Variants in CCDC178 observed in about 807,000 individuals in gnomAD.
CCDC178 encodes coiled-coil domain-containing protein 178.
CCDC178 carries 126 observed loss-of-function variants against 117.4 expected under a neutral mutation model. That is an observed-to-expected ratio of 1.07 (90% confidence interval 0.93 to 1.24). The LOEUF (loss-of-function observed/expected upper bound fraction) is 1.24. CCDC178 is among the 50% of genes most tolerant of loss of function. The pLI is 0.00. For missense variants in CCDC178, 1,030 were observed against 986.9 expected (o/e 1.04, Z -0.59); for synonymous variants, 283 against 313.4 (o/e 0.90, Z 1.02).
intron 7 of CCDC178, among the ~76,000 whole-genome samples, chr18:33,352,606 T>C (rs2062992886): frequency 6.6e-6 from 1 of 152,142 alleles, no homozygotes; most frequent in Admixed American, 6.6e-5. Context: ...TTAAATACAT[T>C]GTGTTTTCAT....
At chr18:33,061,375 T>C (rs1274939555) in intron 21 of CCDC178, among the ~76,000 whole-genome samples, 1 of 152,116 alleles carries the variant, frequency 6.6e-6, no homozygotes, top group Non-Finnish European at 1.5e-5. Context: ...GTTTCAATTC[T>C]ATGAATAAAA....
At chr18:33,126,039 T>C (rs897269525) in intron 20 of CCDC178, among the ~76,000 whole-genome samples, 3 of 152,124 alleles carry the variant, frequency 2.0e-5, no homozygotes, top group East Asian at 3.9e-4. Flanking sequence ...TGTGTGTTTG[T>C]GTTTTTGGCT....
At chr18:33,158,966 T>A (rs2058432300) in intron 20 of CCDC178, among the ~76,000 whole-genome samples, 1 of 152,122 alleles carries the variant, frequency 6.6e-6, no homozygotes, top group Non-Finnish European at 1.5e-5. Context: ...TTGACAGTAT[T>A]TACTCTTATA....
intron 20 of CCDC178, among the ~76,000 whole-genome samples, chr18:33,124,798 C>T (rs897635360): frequency 1.3e-5 from 2 of 152,180 alleles, no homozygotes; most frequent in Non-Finnish European, 2.9e-5. Context: ...TCAGAGTATG[C>T]TATTTATTAT....
chr18:33,076,728 T>G (rs1430019850), intron 21 of CCDC178, among the ~76,000 whole-genome samples: 1 of 152,232 alleles, frequency 6.6e-6, no homozygotes, highest in Non-Finnish European at 1.5e-5. Flanking sequence ...AACCCTGTCA[T>G]GCTACCATAT....
rs757037955 is a variant in CCDC178, at chr18:33,179,059, T to TAAAAAAA, written c.2238+32830_2238+32836dup. Reference sequence around the variant, plus strand: ...CTTGATGGACTACTAAAGCACTCAGTAAAAAAAAAAAAAAAAAAAATATAT... The same window carrying TAAAAAAA: ...CTTGATGGACTACTAAAGCACTCAGTAAAAAAAAAAAAAAAAAAAAAAAAAAATATAT... On this transcript the variant is annotated intron_variant, in intron 20 of 22. Coordinates refer to ENST00000383096, the MANE Select transcript of CCDC178 (RefSeq NM_001105528.4). Among the ~76,000 whole-genome samples the TAAAAAAA allele has an allele frequency of 4.4e-3, 65 of 14,758 alleles. 9 individuals carry two copies. The highest frequency in any genetic ancestry group is 0.024 in the African/African-American group (57 of 2,386). 9.7% of individuals were successfully genotyped at this position (14,758 alleles called of 152,430 possible).
intron 21 of CCDC178, among the ~76,000 whole-genome samples, chr18:33,037,226 A>C (rs561981763): frequency 6.6e-6 from 1 of 152,156 alleles, no homozygotes; most frequent in South Asian, 2.1e-4. Context: ...AGGCATTAAT[A>C]GACTGTGTTG....
chr18:33,385,060 G>A (rs993051512), intron 5 of CCDC178, among the ~76,000 whole-genome samples: 2 of 152,128 alleles, frequency 1.3e-5, no homozygotes, highest in African/African-American at 4.8e-5. Flanking sequence ...TGCAGAGGTT[G>A]CAATTGTAGT....
intron 12 of CCDC178, among the ~76,000 whole-genome samples, chr18:33,279,634 C>T (rs552828902): frequency 4.6e-5 from 7 of 152,206 alleles, no homozygotes; most frequent in African/African-American, 9.6e-5. Flanking sequence ...AAAAAGAGCC[C>T]ACATTGCCAA....
At chr18:33,037,194 G>A (rs576376407) in intron 21 of CCDC178, among the ~76,000 whole-genome samples, 2 of 152,020 alleles carry the variant, frequency 1.3e-5, no homozygotes, top group Admixed American at 6.6e-5. Context: ...TTGAAAAATT[G>A]TTTTATTTAC....
At chr18:33,046,203 A>G (rs966767986) in intron 21 of CCDC178, among the ~76,000 whole-genome samples, 1 of 152,216 alleles carries the variant, frequency 6.6e-6, no homozygotes, top group Non-Finnish European at 1.5e-5. Context: ...TGCCAAAAGA[A>G]TGAGTGACCT....
At chr18:33,012,929 A>G (rs1270169627) in intron 21 of CCDC178, among the ~76,000 whole-genome samples, 2 of 152,172 alleles carry the variant, frequency 1.3e-5, no homozygotes, top group Non-Finnish European at 2.9e-5. Flanking sequence ...TTTCTTACAC[A>G]AGGATACAAT....
At chr18:33,327,761 T>A (rs1419742592) in intron 10 of CCDC178, among the ~76,000 whole-genome samples, 2 of 152,120 alleles carry the variant, frequency 1.3e-5, no homozygotes, top group African/African-American at 4.8e-5. Flanking sequence ...TGAAGATATG[T>A]CTATCTGTTC....
chr18:33,380,380 C>T (rs926259887), intron 5 of CCDC178, among the ~76,000 whole-genome samples: 1 of 152,222 alleles, frequency 6.6e-6, no homozygotes, highest in Non-Finnish European at 1.5e-5. Context: ...AGACACGTTG[C>T]TGGGTCACCA....
intron 21 of CCDC178, among the ~76,000 whole-genome samples, chr18:32,981,119 G>T (rs1361564450): frequency 1.3e-5 from 2 of 152,078 alleles, no homozygotes; most frequent in East Asian, 3.9e-4. Flanking sequence ...AAGCCAAAGA[G>T]GATTGCTCGA....
At chr18:33,170,387 T>C (rs1965521356) in intron 20 of CCDC178, among the ~76,000 whole-genome samples, 1 of 152,124 alleles carries the variant, frequency 6.6e-6, no homozygotes, top group South Asian at 2.1e-4. Context: ...CAAAAGAACT[T>C]ATTAAAACTA....
chr18:33,071,269 C>G (rs271512), intron 21 of CCDC178, among the ~76,000 whole-genome samples: 21,597 of 151,928 alleles, frequency 0.14, 2,380 homozygotes, highest in African/African-American at 0.31. Context: ...GAAGAAAGAT[C>G]TGTCTATATA....
At chr18:33,028,032 T>C (rs765735110) in intron 21 of CCDC178, among the ~76,000 whole-genome samples, 2 of 151,788 alleles carry the variant, frequency 1.3e-5, no homozygotes, top group African/African-American at 4.8e-5. Flanking sequence ...GAAGCAAATC[T>C]AGAACTTCAA....
At chr18:33,081,137 A>C (rs1435396918) in intron 21 of CCDC178, among the ~76,000 whole-genome samples, 2 of 152,178 alleles carry the variant, frequency 1.3e-5, no homozygotes. Context: ...AGTACTCTAT[A>C]GGTTTCTTTA....
Sources: allele counts gnomAD v4.1 joint callset (sites outside exome capture counted in the v4.1 genomes callset), GRCh38; gene constraint gnomAD v4.1.1; transcripts MANE v1.5; gene names NCBI Gene and HGNC (gene_info 2026-07-23, HGNC 2026-07-21).